CYP4X1: variants seen among roughly 807,000 people sequenced by gnomAD.
The protein encoded by CYP4X1 is cytochrome P450 family 4 subfamily X member 1, also known as cytochrome P450 4X1.
In CYP4X1, 44 loss-of-function variants were observed where a neutral mutation model predicts 57.9. The ratio of observed to expected loss-of-function variants is 0.76; its 90% CI spans 0.60 to 0.98. The LOEUF (loss-of-function observed/expected upper bound fraction) is 0.98. Among genes scored for constraint, CYP4X1 ranks in the 50% least tolerant of loss-of-function variants. The pLI is 0.00. For missense variants in CYP4X1, 532 were observed against 623.9 expected (o/e 0.85, Z 1.57); for synonymous variants, 227 against 228.6 (o/e 0.99, Z 0.06).
rs58369367 is a variant in CYP4X1 at position 47,036,370 on chromosome 1, T to TTATATATATA, written c.775+206_775+215dup. On this transcript the variant is annotated intron_variant, in intron 6 of 11. Transcript: ENST00000371901. Reference sequence around the variant, plus strand: ...AACCATAGCAGTATTATCAGAATTTTTATATATATATATATACACTATTTT... The same window carrying TTATATATATA: ...AACCATAGCAGTATTATCAGAATTTTTATATATATATATATATATATATATACACTATTTT... 3.6e-3 allele frequency among the ~76,000 whole-genome samples: 465 copies of TTATATATATA among 129,796 alleles called. 23 individuals carry two copies. Among genetic ancestry groups the TTATATATATA allele is most frequent in the East Asian group, 0.03 (84 of 2,796 alleles). 85.2% of individuals were successfully genotyped at this position (129,796 alleles called of 152,430 possible).
chr1:47,030,639 T>C (rs191041888), intron 2 of CYP4X1, among the ~76,000 whole-genome samples: 1 of 152,224 alleles, frequency 6.6e-6, no homozygotes, highest in Non-Finnish European at 1.5e-5. Context: ...GTATGAGTCA[T>C]CTACTTCCCC....
chr1:46,961,712 G>A, the CYP4X1 span: 1 of 1,301,990 alleles, frequency 7.7e-7, no homozygotes, highest in Non-Finnish European at 1.0e-6. Context: ...TTCACTTGCA[G>A]AACCTCAAGC....
chr1:46,995,010 C>T, the CYP4X1 span, among the ~76,000 whole-genome samples: 3 of 152,162 alleles, frequency 2.0e-5, no homozygotes, highest in African/African-American at 7.2e-5. Context: ...TCTTTCTCTA[C>T]TCCAATACTC....
At chr1:47,034,875 C>A (rs946716130) in intron 4 of CYP4X1, among the ~76,000 whole-genome samples, 3 of 152,014 alleles carry the variant, frequency 2.0e-5, no homozygotes, top group Non-Finnish European at 4.4e-5. Context: ...TCCTCTGCTG[C>A]ATCATTCCAG....
At chr1:47,011,435 G>A in the CYP4X1 span, among the ~76,000 whole-genome samples, 1 of 152,112 alleles carries the variant, frequency 6.6e-6, no homozygotes, top group African/African-American at 2.4e-5. Context: ...TTAAATGTTA[G>A]ACCTAAAACC....
the CYP4X1 span, among the ~76,000 whole-genome samples, chr1:47,010,080 A>T: frequency 3.3e-5 from 5 of 152,190 alleles, no homozygotes; most frequent in Admixed American, 6.5e-5. Context: ...CATCATCCTG[A>T]TACCAAAGCC....
the CYP4X1 span, among the ~76,000 whole-genome samples, chr1:47,007,570 G>A: frequency 6.6e-6 from 1 of 152,234 alleles, no homozygotes; most frequent in Non-Finnish European, 1.5e-5. Flanking sequence ...GAACAAAGCT[G>A]GACGGAGAAT....
rs1482764172 is a variant in CYP4X1, at chr1:47,030,095, G to T, written c.283G>T (p.Asp95Tyr). The change falls in exon 2 of 12, where the codon GAC becomes TAC. Residue 95 changes from aspartate (D) to tyrosine (Y), a missense_variant. Asp to Tyr is a radical substitution (Grantham distance 160, BLOSUM62 -3). Transcript: ENST00000371901. ...GPFQAFFCIY[D>Y]PDYAKTLLSR... ...CTTTCAGGCATTTTTCTGTATCTATGACCCAGACTATGCAAAGACACTTCT... is the reference window on the plus strand; with the variant it reads ...CTTTCAGGCATTTTTCTGTATCTATTACCCAGACTATGCAAAGACACTTCT... 6.2e-7 allele frequency: 1 copy of T among 1,614,008 alleles called. No homozygotes were observed. The highest frequency in any genetic ancestry group is 8.5e-7 in the Non-Finnish European group (1 of 1,179,970).
chr1:47,036,994 C>A (rs953194646), intron 6 of CYP4X1, among the ~76,000 whole-genome samples: 17 of 152,080 alleles, frequency 1.1e-4, no homozygotes, highest in Non-Finnish European at 8.8e-5. Context: ...ATAAAGAGGA[C>A]ACTCAGAGAA....
chr1:47,020,099 C>T (rs1019731790), upstream of CYP4X1, among the ~76,000 whole-genome samples: 2 of 152,316 alleles, frequency 1.3e-5, no homozygotes, highest in African/African-American at 2.4e-5. Context: ...TAGCACCCAT[C>T]CTTCTCTCTG....
At chr1:47,035,712 T>G in intron 4 of CYP4X1, 94 bp from the exon 5 acceptor site, 2 of 1,518,706 alleles carry the variant, frequency 1.3e-6, no homozygotes, top group Non-Finnish European at 1.8e-6. Context: ...TTGTCTCCAT[T>G]AGATCATAAA....
intron 5 of CYP4X1, 21 bp from the exon 6 acceptor site, chr1:47,035,996 T>G: frequency 1.2e-6 from 2 of 1,610,240 alleles, no homozygotes; most frequent in Non-Finnish European, 1.7e-6. Context: ...ATTAACACAT[T>G]ATCCCAACTT....
At chr1:47,008,223 T>C in the CYP4X1 span, among the ~76,000 whole-genome samples, 1 of 152,210 alleles carries the variant, frequency 6.6e-6, no homozygotes, top group African/African-American at 2.4e-5. Context: ...ACAGCTGATC[T>C]CTCGGCACAA....
the CYP4X1 span, among the ~76,000 whole-genome samples, chr1:47,016,390 G>C: frequency 2.0e-5 from 3 of 149,748 alleles, no homozygotes; most frequent in Non-Finnish European, 1.5e-5. Flanking sequence ...TGCCCAGGCT[G>C]CAGTGCAGTG....
chr1:47,015,856 C>T, the CYP4X1 span, among the ~76,000 whole-genome samples: 12 of 152,300 alleles, frequency 7.9e-5, no homozygotes, highest in East Asian at 5.8e-4. Flanking sequence ...TCCCCGGCCA[C>T]GTGTTTTCTC....
the CYP4X1 span, among the ~76,000 whole-genome samples, chr1:46,961,996 G>C: frequency 3.3e-5 from 5 of 152,172 alleles, no homozygotes; most frequent in African/African-American, 1.2e-4. Flanking sequence ...ACCCTGGATA[G>C]GCATCTTTCC....
At chr1:47,016,951 A>ATGTTTGTCTTT in the CYP4X1 span, among the ~76,000 whole-genome samples, 1,324 of 152,200 alleles carry the variant, frequency 8.7e-3, 19 homozygotes, top group African/African-American at 0.031. Flanking sequence ...AGAACATGTG[A>ATGTTTGTCTTT]TGTTTGTCTT....
At chr1:47,019,054 C>A (rs1643970806), upstream of CYP4X1, among the ~76,000 whole-genome samples, 1 of 152,162 alleles carries the variant, frequency 6.6e-6, no homozygotes, top group African/African-American at 2.4e-5. Flanking sequence ...TGGAGAATAT[C>A]ACCAAACTCA....
At chr1:46,961,737 C>T in the CYP4X1 span, 1 of 1,311,046 alleles carries the variant, frequency 7.6e-7, no homozygotes, top group Non-Finnish European at 1.0e-6. Flanking sequence ...ATATGTATGA[C>T]TTCTTCCTCC....
Sources: gnomAD v4.1 joint callset for allele counts (sites outside exome capture counted in the v4.1 genomes callset) on GRCh38, gnomAD v4.1.1 for gene constraint, MANE v1.5 for transcripts, NCBI Gene and HGNC (gene_info 2026-07-23, HGNC 2026-07-21) for gene names.